SOCS5: variants seen among roughly 807,000 people sequenced by gnomAD.
SOCS5 encodes suppressor of cytokine signaling 5.
In SOCS5, 32 loss-of-function variants were observed where a neutral mutation model predicts 42.8. The ratio of observed to expected loss-of-function variants is 0.75; its 90% CI spans 0.56 to 1.01. The LOEUF is 1.01. SOCS5 is among the 50% of genes least tolerant of loss of function. The pLI is 0.00. For synonymous variants in SOCS5, 283 were observed against 229.6 expected (o/e 1.23, Z -2.10); for missense variants, 627 against 653.0 (o/e 0.96, Z 0.43).
At chr2:46,743,188 C>G (rs1296723559) in intron 1 of SOCS5, among the ~76,000 whole-genome samples, 4 of 151,978 alleles carry the variant, frequency 2.6e-5, no homozygotes, top group African/African-American at 9.7e-5. Context: ...GAAAGGGGTC[C>G]CGATCCAGAC....
At chr2:46,707,907 C>G (rs1672533659) in intron 1 of SOCS5, among the ~76,000 whole-genome samples, 2 of 152,206 alleles carry the variant, frequency 1.3e-5, no homozygotes, top group Non-Finnish European at 2.9e-5. Context: ...GCTCAGAGCA[C>G]TTGCATTAGC....
At chr2:46,708,880 CTTTTTTTTTTTTT>C (rs145238668) in intron 1 of SOCS5, among the ~76,000 whole-genome samples, 6 of 63,254 alleles carry the variant, frequency 9.5e-5, no homozygotes, top group African/African-American at 2.0e-4. Context: ...ATCCTGAAGC[CTTTTTTTTTTTTT>C]TTTTTTTTTT....
chr2:46,717,742 C>G (rs764732573), intron 1 of SOCS5, among the ~76,000 whole-genome samples: 3 of 152,062 alleles, frequency 2.0e-5, no homozygotes, highest in Non-Finnish European at 4.4e-5. Context: ...AGAGGCATGC[C>G]TTTTCAGAGT....
At chr2:46,756,374 A>G (rs575510164) in intron 1 of SOCS5, among the ~76,000 whole-genome samples, 1 of 152,298 alleles carries the variant, frequency 6.6e-6, no homozygotes, top group East Asian at 1.9e-4. Flanking sequence ...AAAATATTTT[A>G]GGCTTTGCAG....
chr2:46,703,764 T>C (rs1420838967), intron 1 of SOCS5, among the ~76,000 whole-genome samples: 1 of 152,194 alleles, frequency 6.6e-6, no homozygotes, highest in Non-Finnish European at 1.5e-5. Context: ...TGTTAGAGAA[T>C]GAAAGAGGGA....
At chr2:46,736,095 C>T (rs1017702071) in intron 1 of SOCS5, among the ~76,000 whole-genome samples, 16 of 151,362 alleles carry the variant, frequency 1.1e-4, no homozygotes, top group African/African-American at 3.9e-4. Context: ...GGCTGAAGTG[C>T]GGTGGTGCCA....
chr2:46,722,786 C>A (rs752819358), intron 1 of SOCS5, among the ~76,000 whole-genome samples: 21 of 152,102 alleles, frequency 1.4e-4, no homozygotes, highest in Non-Finnish European at 2.2e-4. Context: ...AAAACAGCCC[C>A]ACTCACAATG....
At chr2:46,754,211 G>A (rs1449879691) in intron 1 of SOCS5, among the ~76,000 whole-genome samples, 3 of 152,080 alleles carry the variant, frequency 2.0e-5, no homozygotes, top group African/African-American at 4.8e-5. Flanking sequence ...GTCTGTATTG[G>A]GGAAGCCATG....
At chr2:46,740,189 G>C (rs369069616) in intron 1 of SOCS5, among the ~76,000 whole-genome samples, 1 of 152,138 alleles carries the variant, frequency 6.6e-6, no homozygotes, top group Non-Finnish European at 1.5e-5. Flanking sequence ...GCTTTCAATC[G>C]TGAATGACCT....
At chr2:46,748,572 T>C (rs548145477) in intron 1 of SOCS5, among the ~76,000 whole-genome samples, 2 of 152,328 alleles carry the variant, frequency 1.3e-5, no homozygotes, top group Admixed American at 1.3e-4. Flanking sequence ...CTTTGTTTCT[T>C]TCTTGGATTC....
intron 1 of SOCS5, among the ~76,000 whole-genome samples, chr2:46,745,259 C>T (rs995994917): frequency 7.2e-5 from 11 of 152,088 alleles, no homozygotes; most frequent in African/African-American, 2.7e-4. Flanking sequence ...AAAGAAGTCT[C>T]AATTTTAAGC....
chr2:46,746,042 C>G (rs1673487860), intron 1 of SOCS5, among the ~76,000 whole-genome samples: 1 of 150,738 alleles, frequency 6.6e-6, no homozygotes, highest in Non-Finnish European at 1.5e-5. Context: ...AGACACGGAG[C>G]CCTTTGAGTT....
At chr2:46,713,960 T>C (rs879718431) in intron 1 of SOCS5, among the ~76,000 whole-genome samples, 1 of 152,206 alleles carries the variant, frequency 6.6e-6, no homozygotes, top group Admixed American at 6.5e-5. Context: ...ATTTTTCAGG[T>C]ATCCTTTTGT....
At chr2:46,711,043 T>C (rs1031244939) in intron 1 of SOCS5, among the ~76,000 whole-genome samples, 1 of 152,236 alleles carries the variant, frequency 6.6e-6, no homozygotes, top group African/African-American at 2.4e-5. Context: ...AGTATTCCAT[T>C]ATATGAATAT....
chr2:46,750,666 G>A (rs985543231), intron 1 of SOCS5, among the ~76,000 whole-genome samples: 9 of 152,080 alleles, frequency 5.9e-5, no homozygotes, highest in East Asian at 3.8e-4. Flanking sequence ...ATTTCTGAGC[G>A]GTATACAGGC....
chr2:46,754,566 T>C (rs1673692995), intron 1 of SOCS5, among the ~76,000 whole-genome samples: 1 of 152,080 alleles, frequency 6.6e-6, no homozygotes, highest in Non-Finnish European at 1.5e-5. Context: ...ACTGGAAGTG[T>C]CTGGGTATAC....
In SOCS5 at chr2:46,760,400, G is replaced by C. The variant is rs565737841; in HGVS notation, c.*259G>C. ...TTCGCTAACAGTTTGGTTTTTAATG[G>C]CTGTGGTATTTGAGTGAGGCAACTC... On this transcript the variant is annotated 3_prime_UTR_variant, in exon 2 of 2. Transcript: ENST00000394861. The C allele has an allele frequency of 4.9e-5, 19 of 385,536 alleles. No homozygotes were observed. Among genetic ancestry groups the C allele is most frequent in the Admixed American group, 2.5e-4 (6 of 23,760 alleles). The allele number at this position is 385,536 out of a possible 1,614,324, so 23.9% of individuals were successfully genotyped here.
At chr2:46,722,407 T>C (rs1199018661) in intron 1 of SOCS5, among the ~76,000 whole-genome samples, 1 of 152,122 alleles carries the variant, frequency 6.6e-6, no homozygotes. Flanking sequence ...ACTTGAGGTA[T>C]ATGTAGGCCA....
At chr2:46,716,112 T>G (rs200280433) in intron 1 of SOCS5, among the ~76,000 whole-genome samples, 1 of 21,610 alleles carries the variant, frequency 4.6e-5, no homozygotes, top group African/African-American at 5.3e-4. Flanking sequence ...ACACCCCCCC[T>G]TTTTTTTTTT....
Sources: gnomAD v4.1 joint callset for allele counts (sites outside exome capture counted in the v4.1 genomes callset) on GRCh38, gnomAD v4.1.1 for gene constraint, MANE v1.5 for transcripts, NCBI Gene and HGNC (gene_info 2026-07-23, HGNC 2026-07-21) for gene names.